Variants in ITGB5 observed in about 807,000 individuals in gnomAD.
ITGB5 encodes the protein integrin subunit beta 5.
ITGB5 carries 38 observed loss-of-function variants against 84.8 expected under a neutral mutation model. The observed-to-expected ratio is 0.45, with a 90% CI of 0.35 to 0.59. The LOEUF (loss-of-function observed/expected upper bound fraction) is 0.59. ITGB5 is among the 20% of genes least tolerant of loss of function. ITGB5 has a pLI of 0.01. For synonymous variants in ITGB5, 393 were observed against 414.4 expected, an observed-to-expected ratio of 0.95 and a Z score of 0.63; for missense variants, 905 against 1,034.5, an observed-to-expected ratio of 0.87 and a Z score of 1.72.
intron 4 of ITGB5, among the ~76,000 whole-genome samples, chr3:124,841,773 G>A (rs1351389465): frequency 3.3e-5 from 5 of 152,220 alleles, no homozygotes; most frequent in Admixed American, 2.0e-4. Context: ...TATATGCCAA[G>A]TTATAAATGA....
upstream of ITGB5, among the ~76,000 whole-genome samples, chr3:124,891,951 A>G (rs1180471552): frequency 6.6e-6 from 1 of 152,032 alleles, no homozygotes; most frequent in Non-Finnish European, 1.5e-5. Context: ...AAAATGAAAA[A>G]GAAGGAAAAG....
chr3:124,834,454 G>A, intron 5 of ITGB5, among the ~76,000 whole-genome samples: 1 of 145,476 alleles, frequency 6.9e-6, no homozygotes, highest in African/African-American at 2.6e-5. Flanking sequence ...AAGGAAGGAA[G>A]GAAGGAAAGA....
intron 2 of ITGB5, among the ~76,000 whole-genome samples, chr3:124,865,487 T>TC (rs924175608): frequency 8.1e-5 from 11 of 135,476 alleles, no homozygotes; most frequent in African/African-American, 2.5e-4. Flanking sequence ...TTTTCTTTTT[T>TC]TTTTTTTTTT....
At chr3:124,819,880 T>A in intron 6 of ITGB5, 46 bp from the exon 7 acceptor site, 1 of 1,353,454 alleles carries the variant, frequency 7.4e-7, no homozygotes, top group Non-Finnish European at 1.1e-6. Flanking sequence ...CTAACAGGTG[T>A]AGATACCAGC....
At chr3:124,893,737 A>G (rs1935045410) in intron 1 of ITGB5, among the ~76,000 whole-genome samples, 1 of 152,136 alleles carries the variant, frequency 6.6e-6, no homozygotes, top group Non-Finnish European at 1.5e-5. Context: ...TTGATGGCTT[A>G]TTTTTAGGTT....
chr3:124,895,073 A>T (rs1935074989), intron 1 of ITGB5, among the ~76,000 whole-genome samples: 1 of 152,172 alleles, frequency 6.6e-6, no homozygotes, highest in South Asian at 2.1e-4. Flanking sequence ...GCTTGGGGAG[A>T]AATGCTATAG....
intron 7 of ITGB5, among the ~76,000 whole-genome samples, chr3:124,818,693 C>T (rs989992721): frequency 3.3e-5 from 5 of 151,882 alleles, no homozygotes; most frequent in African/African-American, 1.2e-4. Context: ...CTTTATCCTG[C>T]TATCTTCCAC....
chr3:124,859,144 A>C (rs1159334142), intron 3 of ITGB5, 98 bp downstream of exon 3: 6 of 1,183,292 alleles, frequency 5.1e-6, no homozygotes, highest in Non-Finnish European at 7.3e-6. Flanking sequence ...CTCTGATCTC[A>C]GCCTGGCCTG....
chr3:124,872,755 C>T (rs903698857), intron 2 of ITGB5, among the ~76,000 whole-genome samples: 4 of 152,124 alleles, frequency 2.6e-5, no homozygotes, highest in African/African-American at 9.7e-5. Flanking sequence ...CTTCCTCCCT[C>T]CCTCTCTCTT....
chr3:124,838,695 G>T (rs1305363734), intron 5 of ITGB5, among the ~76,000 whole-genome samples: 1 of 152,052 alleles, frequency 6.6e-6, no homozygotes. Context: ...TCCGCCTCCG[G>T]GGTTCACACC....
At position 124,766,257 on chromosome 3, in the gene ITGB5, C is replaced by T; in HGVS notation, c.2106G>A (p.Gly702=). 1 of 1,614,064 alleles carries T rather than the reference C, an allele frequency of 6.2e-7. No individual in the cohort carries two copies. The highest frequency in any genetic ancestry group is 8.5e-7 in the Non-Finnish European group (1 of 1,179,994). ...MMFTYVELPS[G]KSNLTVLREP... Reference sequence around the variant, plus strand: ...CCCTGAGGACGGTCAGGTTGGACTTCCCACTGGGGAGCTCCACATAGGTGA... The same window carrying T: ...CCCTGAGGACGGTCAGGTTGGACTTTCCACTGGGGAGCTCCACATAGGTGA... The change falls in exon 13 of 15, where the codon GGG becomes GGA. Residue 702 remains glycine, a synonymous_variant. Transcript: ENST00000296181.
intron 11 of ITGB5, among the ~76,000 whole-genome samples, chr3:124,772,890 G>T (rs2063867155): frequency 6.6e-6 from 1 of 151,774 alleles, no homozygotes. Context: ...ATCTAGGTCG[G>T]GTGCCTTTCT....
At chr3:124,881,873 C>G (rs1387903402) in intron 1 of ITGB5, among the ~76,000 whole-genome samples, 2 of 152,150 alleles carry the variant, frequency 1.3e-5, no homozygotes, top group Non-Finnish European at 2.9e-5. Flanking sequence ...GAGGCTGAGG[C>G]AGGAGAATCG....
intron 3 of ITGB5, among the ~76,000 whole-genome samples, chr3:124,850,344 C>A (rs1026432384): frequency 1.3e-5 from 2 of 151,916 alleles, no homozygotes; most frequent in African/African-American, 4.8e-5. Context: ...GCCTATGATG[C>A]GCTCATGAGG....
chr3:124,772,911 C>CTTT (rs35802279), intron 11 of ITGB5, among the ~76,000 whole-genome samples: 17,168 of 127,072 alleles, frequency 0.14, 1,320 homozygotes, highest in Admixed American at 0.19. Context: ...CTCCAATTTA[C>CTTT]TTTTTTTTTT....
At position 124,776,430 on chromosome 3, in the gene ITGB5, C is replaced by A. The variant is rs1006019636; in HGVS notation, c.1694-2518G>T. 6.6e-5 allele frequency among the ~76,000 whole-genome samples: 10 copies of A among 152,204 alleles called. No homozygotes were observed. In the South Asian group the frequency reaches 8.3e-4, roughly 13 times the overall value. On this transcript the variant is annotated intron_variant, in intron 10 of 14. Transcript: ENST00000296181. Reference sequence around the variant, plus strand: ...TGTGAGGGGATTATTCCCCACCCCCCCAACATTTTGTTAGGAAAACTTCCA... The same window carrying A: ...TGTGAGGGGATTATTCCCCACCCCCACAACATTTTGTTAGGAAAACTTCCA...
At chr3:124,780,992 G>A (rs372255047) in intron 10 of ITGB5, among the ~76,000 whole-genome samples, 1 of 152,204 alleles carries the variant, frequency 6.6e-6, no homozygotes, top group Non-Finnish European at 1.5e-5. Context: ...CGTAGGCAGA[G>A]CAGGAAGCCA....
At chr3:124,883,597 G>C (rs1267845512) in intron 1 of ITGB5, among the ~76,000 whole-genome samples, 1 of 152,194 alleles carries the variant, frequency 6.6e-6, no homozygotes, top group East Asian at 1.9e-4. Flanking sequence ...TAGGGGGTTG[G>C]GGGTAGAGGA....
chr3:124,860,327 TAAG>T (rs2065278425), intron 2 of ITGB5, among the ~76,000 whole-genome samples: 1 of 151,846 alleles, frequency 6.6e-6, no homozygotes, highest in Non-Finnish European at 1.5e-5. Flanking sequence ...ATATTTACAC[TAAG>T]GAGGAAAAAA....
Sources: allele counts gnomAD v4.1 joint callset (sites outside exome capture counted in the v4.1 genomes callset), GRCh38; gene constraint gnomAD v4.1.1; transcripts MANE v1.5; gene names NCBI Gene and HGNC (gene_info 2026-07-23, HGNC 2026-07-21).